NTM: variants seen among roughly 807,000 people sequenced by gnomAD.
NTM encodes the protein IgLON family member 2.
A neutral mutation model predicts 42.1 loss-of-function variants in NTM; 13 were observed. That is an observed-to-expected ratio of 0.31 (90% CI 0.20 to 0.49). The LOEUF is 0.49. Ranked by LOEUF, NTM falls within the 20% of genes least tolerant of loss-of-function variation. The probability of loss-of-function intolerance (pLI) is 0.99; values close to 1 mark genes in which losing one functional copy is unlikely to be tolerated. For synonymous variants in NTM, 187 were observed against 179.2 expected (o/e 1.04, Z -0.35); for missense variants, 373 against 452.8 (o/e 0.82, Z 1.60).
At position 132,146,762 on chromosome 11, in the gene NTM, T is replaced by A; in HGVS notation, c.400+248T>A. ...TATATTTTCTCAGGAAATTATCTTG[T>A]AATTATTGCTCTTCTTGGCTTTTTT... On this transcript the variant is annotated intron_variant, in intron 3 of 8. Coordinates refer to ENST00000683400, the MANE Select transcript of NTM (RefSeq NM_001352005.2). This position sits in a 1 kb window ranked among gnomAD's most constrained non-coding sequence, Gnocchi z 4.5. 2.2e-6 allele frequency: 1 copy of A among 452,978 alleles called. No individual in the cohort carries two copies. The highest frequency in any genetic ancestry group is 5.5e-5 in the South Asian group (1 of 18,284). The allele number at this position is 452,978 out of a possible 1,614,324, so 28.1% of individuals were successfully genotyped here.
At chr11:132,124,967 C>A (rs887771408) in intron 2 of NTM, among the ~76,000 whole-genome samples, 2 of 152,224 alleles carry the variant, frequency 1.3e-5, no homozygotes, top group Non-Finnish European at 2.9e-5. Context: ...CACTGCACTT[C>A]AGCCTGGGTG....
intron 3 of NTM, among the ~76,000 whole-genome samples, chr11:132,149,394 G>A (rs1264237808): frequency 6.6e-6 from 1 of 151,434 alleles, no homozygotes; most frequent in African/African-American, 2.4e-5. Context: ...TTTTCAAAAT[G>A]GTATTATGAT....
intron 1 of NTM, among the ~76,000 whole-genome samples, chr11:131,802,576 C>A (rs561621506): frequency 1.3e-5 from 2 of 152,108 alleles, no homozygotes; most frequent in Non-Finnish European, 2.9e-5. Flanking sequence ...GTAAGTGATG[C>A]GTGGGGGTTA....
At chr11:131,746,245 G>A (rs1399664319) in intron 1 of NTM, among the ~76,000 whole-genome samples, 1 of 152,188 alleles carries the variant, frequency 6.6e-6, no homozygotes, top group Non-Finnish European at 1.5e-5. Flanking sequence ...TCATTTCCCT[G>A]TGGCAACCAT....
intron 1 of NTM, among the ~76,000 whole-genome samples, chr11:131,621,316 C>T (rs938965728): frequency 2.6e-5 from 4 of 152,066 alleles, no homozygotes; most frequent in African/African-American, 4.8e-5. Context: ...AATTTAAGAA[C>T]AGGTGTAAAG....
At chr11:132,032,485 C>A (rs761325109) in intron 2 of NTM, among the ~76,000 whole-genome samples, 38 of 152,092 alleles carry the variant, frequency 2.5e-4, no homozygotes, top group Non-Finnish European at 4.6e-4. Context: ...AGGATATATC[C>A]AAGTCAATGT....
At chr11:131,934,273 G>A (rs890902152) in intron 2 of NTM, among the ~76,000 whole-genome samples, 2 of 152,236 alleles carry the variant, frequency 1.3e-5, no homozygotes, top group African/African-American at 4.8e-5. Context: ...TCCCTAGAGC[G>A]TATCACAGAG....
chr11:131,864,314 G>A lies in NTM; in HGVS notation c.83-47250G>A, dbSNP rs529161443. 6.6e-5 allele frequency among the ~76,000 whole-genome samples: 10 copies of A among 152,060 alleles called. No individual in the cohort carries two copies. The South Asian group carries it at 1.7e-3, about 25-fold the overall frequency. Reference sequence around the variant, plus strand: ...CTCCTTTGCTTAATGCGGGCTTCTGGTCAGTCCCTGGAGCTTGTCATGTGA... The same window carrying A: ...CTCCTTTGCTTAATGCGGGCTTCTGATCAGTCCCTGGAGCTTGTCATGTGA... On this transcript the variant is annotated intron_variant, in intron 1 of 8. Coordinates refer to ENST00000683400, the MANE Select transcript of NTM (RefSeq NM_001352005.2).
At chr11:131,671,427 C>A in intron 1 of NTM, 1 of 985,372 alleles carries the variant, frequency 1.0e-6, no homozygotes, top group South Asian at 4.7e-5. Context: ...TCCACCACAG[C>A]TCCTGCTTGC....
chr11:132,281,522 C>T (rs2093970828), intron 4 of NTM, among the ~76,000 whole-genome samples: 1 of 152,146 alleles, frequency 6.6e-6, no homozygotes, highest in African/African-American at 2.4e-5. Context: ...TGATTGGGTT[C>T]CTTGTCCACC....
chr11:131,989,717 GCACA>G (rs57222149), intron 2 of NTM, among the ~76,000 whole-genome samples: 24,519 of 149,306 alleles, frequency 0.16, 2,105 homozygotes, highest in Middle Eastern at 0.27. Flanking sequence ...TTAGATACAT[GCACA>G]CACACACACA....
intron 2 of NTM, among the ~76,000 whole-genome samples, chr11:132,113,850 C>T (rs1327935813): frequency 6.6e-6 from 1 of 152,162 alleles, no homozygotes; most frequent in African/African-American, 2.4e-5. Flanking sequence ...TGGCTGGGCT[C>T]AGAGACAGGA....
chr11:131,548,369 A>G (rs908475889), intron 1 of NTM, among the ~76,000 whole-genome samples: 5 of 152,176 alleles, frequency 3.3e-5, no homozygotes, highest in Non-Finnish European at 7.3e-5. Context: ...ATGAGTCAAG[A>G]AAGGCATAAA....
chr11:132,100,475 C>T (rs12224349), intron 2 of NTM, among the ~76,000 whole-genome samples: 19,476 of 152,214 alleles, frequency 0.13, 1,469 homozygotes, highest in South Asian at 0.2. Flanking sequence ...TTGAGTTTCA[C>T]CCACTAGCAC....
intron 1 of NTM, among the ~76,000 whole-genome samples, chr11:131,896,742 G>A (rs1389867161): frequency 1.4e-5 from 2 of 145,316 alleles, no homozygotes; most frequent in Non-Finnish European, 1.5e-5. Context: ...AGGCTGGAGT[G>A]CGGTGGTGTG....
At chr11:132,274,922 C>T (rs1316142892) in intron 4 of NTM, among the ~76,000 whole-genome samples, 1 of 151,856 alleles carries the variant, frequency 6.6e-6, no homozygotes, top group African/African-American at 2.4e-5. Context: ...AGTTCTTTGC[C>T]CATTTTCAAA....
intron 3 of NTM, among the ~76,000 whole-genome samples, chr11:132,174,352 T>C: frequency 6.6e-6 from 1 of 152,232 alleles, no homozygotes; most frequent in South Asian, 2.1e-4. Flanking sequence ...GGAAGTGAAC[T>C]GCTTCTATAA....
intron 2 of NTM, among the ~76,000 whole-genome samples, chr11:132,045,876 A>C (rs2077916034): frequency 1.3e-5 from 2 of 152,200 alleles, no homozygotes; most frequent in Admixed American, 1.3e-4. Flanking sequence ...CCATCTCTGG[A>C]AATCTGTCCG....
intron 1 of NTM, among the ~76,000 whole-genome samples, chr11:131,396,492 T>C (rs2135638254): frequency 1.3e-5 from 2 of 152,286 alleles, no homozygotes; most frequent in South Asian, 4.1e-4. Context: ...AAGTATATTT[T>C]GAATCATTAA....
Sources: gnomAD v4.1 joint callset for allele counts (sites outside exome capture counted in the v4.1 genomes callset) on GRCh38, gnomAD v4.1.1 for gene constraint, Gnocchi (gnomAD v3.1) non-coding constraint, MANE v1.5 for transcripts, NCBI Gene and HGNC (gene_info 2026-07-23, HGNC 2026-07-21) for gene names.